The following PTGES3L variants were observed in gnomAD, a reference collection of about 807,000 sequenced individuals.
The protein encoded by PTGES3L is putative protein PTGES3L.
PTGES3L carries 17 observed loss-of-function variants against 25.0 expected under a neutral mutation model. The ratio of observed to expected loss-of-function variants is 0.68; its 90% CI spans 0.47 to 1.02. PTGES3L has a LOEUF of 1.02. Ranked by LOEUF, PTGES3L falls within the 50% of genes least tolerant of loss-of-function variation. The pLI is 0.00. For synonymous variants in PTGES3L, 59 were observed against 65.7 expected (o/e 0.90, Z 0.50); for missense variants, 202 against 197.5 (o/e 1.02, Z -0.14).
intron 4 of PTGES3L, among the ~76,000 whole-genome samples, chr17:42,976,139 C>A (rs1431607842): frequency 2.6e-5 from 4 of 151,964 alleles, no homozygotes; most frequent in Non-Finnish European, 5.9e-5. Flanking sequence ...CGCACCACCA[C>A]GCCCAGCTCA....
At chr17:42,973,479 C>T (rs1307802747) in intron 4 of PTGES3L, among the ~76,000 whole-genome samples, 6 of 151,906 alleles carry the variant, frequency 3.9e-5, no homozygotes, top group East Asian at 3.9e-4. Context: ...GGCCACCACC[C>T]CGTCTGGGAG....
At chr17:42,978,908 G>C (rs558621679) in intron 4 of PTGES3L, among the ~76,000 whole-genome samples, 3 of 152,270 alleles carry the variant, frequency 2.0e-5, no homozygotes, top group Admixed American at 6.5e-5. Flanking sequence ...GCTGAGGCAG[G>C]AGAATTGCTT....
At chr17:42,978,104 A>C in intron 4 of PTGES3L, among the ~76,000 whole-genome samples, 2 of 139,636 alleles carry the variant, frequency 1.4e-5, no homozygotes, top group Admixed American at 7.3e-5. Context: ...AAAAAAACAG[A>C]AAGAAAAAAG....
rs34584554 is a variant in PTGES3L at position 42,979,605 on chromosome 17, C to T, written c.67G>A (p.Val23Ile). The change falls in exon 2 of 7, where the codon GTT becomes ATT. Residue 23 changes from valine (V) to isoleucine (I), a missense_variant. By Grantham distance (29) the Val-to-Ile change is conservative. Coordinates refer to ENST00000591916, the MANE Select transcript of PTGES3L (RefSeq NM_001261430.2). ...ACGTGGACATCGGTGCTGTCCTCAA[C>T]ACAAAACTCCATGAACACATACCTG... is the stretch of plus-strand genomic sequence containing the variant. ...RPRYVFMEFC[V>I]EDSTDVHVLI... The T allele has an allele frequency of 5.1e-3, 8,295 of 1,614,122 alleles. 373 individuals carry two copies. In the African/African-American group the frequency reaches 0.096, roughly 19 times the overall value.
intron 4 of PTGES3L, among the ~76,000 whole-genome samples, chr17:42,972,903 A>G (rs1458912989): frequency 4.8e-4 from 68 of 142,090 alleles, no homozygotes; most frequent in Non-Finnish European, 8.6e-4. Context: ...CCGCCATCAC[A>G]TCTAGGAAGT....
At position 42,979,790 on chromosome 17, in the gene PTGES3L, G is replaced by A. The variant is rs551952364; in HGVS notation, c.9-127C>T. ...AAAGTGGAGCTAAATGAGACAGAAG[G>A]GGTGAAAGGGAAGGGAATGACAGGA... On this transcript the variant is annotated intron_variant, in intron 1 of 6. Transcript: ENST00000591916. 221 of 1,433,910 alleles carry A rather than the reference G, an allele frequency of 1.5e-4. 1 individual carries two copies. In the East Asian group the frequency reaches 5.3e-3, roughly 35 times the overall value. 88.8% of individuals were successfully genotyped at this position (1,433,910 alleles called of 1,614,324 possible).
chr17:42,974,015 AAAATAAAAAT>A (rs1217564697), intron 4 of PTGES3L, among the ~76,000 whole-genome samples: 59 of 151,408 alleles, frequency 3.9e-4, no homozygotes, highest in African/African-American at 1.4e-3. Context: ...AAAAAAAATA[AAAATAAAAAT>A]AAAAAAAAAT....
chr17:42,977,730 T>C (rs1038398787), intron 4 of PTGES3L, among the ~76,000 whole-genome samples: 8 of 150,558 alleles, frequency 5.3e-5, no homozygotes, highest in African/African-American at 2.0e-4. Flanking sequence ...AGAATAAGAC[T>C]CATCAATTAA....
chr17:42,973,514 C>T lies in PTGES3L; in HGVS notation c.289-1818G>A, dbSNP rs1027434819. Among the ~76,000 whole-genome samples, 5 of 151,988 alleles carry T rather than the reference C, an allele frequency of 3.3e-5. No homozygotes were observed. In the East Asian group the frequency reaches 5.8e-4, roughly 18 times the overall value. On this transcript the variant is annotated intron_variant, in intron 4 of 6. Coordinates refer to ENST00000591916, the MANE Select transcript of PTGES3L (RefSeq NM_001261430.2). ...GGTGTGCCCAACAGCTCACTGAGAA[C>T]GGGCCAGGATGACAATGGCGGCTTT...
chr17:42,973,243 G>A (rs2049887390), intron 4 of PTGES3L, among the ~76,000 whole-genome samples: 1 of 150,512 alleles, frequency 6.6e-6, no homozygotes, highest in African/African-American at 2.4e-5. Context: ...GAGGGAGGTG[G>A]GGGGGTCAGC....
intron 4 of PTGES3L, among the ~76,000 whole-genome samples, chr17:42,978,145 G>A (rs1327804526): frequency 2.7e-5 from 4 of 147,006 alleles, no homozygotes; most frequent in Admixed American, 6.9e-5. Flanking sequence ...ATTGGCTCAC[G>A]CCTGTAATCC....
Position 42,968,746 on chromosome 17 carries a change from T to C in PTGES3L, c.*402A>G, listed in dbSNP as rs2049776491. 1.2e-5 allele frequency: 2 copies of C among 165,264 alleles called. No homozygotes were observed. Among genetic ancestry groups the C allele is most frequent in the African/African-American group, 4.8e-5 (2 of 41,920 alleles). 10.2% of individuals were successfully genotyped at this position (165,264 alleles called of 1,614,324 possible). A position where few individuals can be genotyped will look rare whatever the true frequency, so the allele number is the denominator to read the frequency against. On this transcript the variant is annotated 3_prime_UTR_variant, in exon 7 of 7. Coordinates refer to ENST00000591916, the MANE Select transcript of PTGES3L (RefSeq NM_001261430.2). ...CAGAGAACAGTTCCTAGAGATTTAT[T>C]ATAATCTGTTTCTTCTTTGGCTTTT... is the stretch of plus-strand genomic sequence containing the variant.
intron 4 of PTGES3L, among the ~76,000 whole-genome samples, chr17:42,977,135 A>G (rs2049968499): frequency 6.6e-6 from 1 of 152,160 alleles, no homozygotes; most frequent in South Asian, 2.1e-4. Context: ...TACTAAAAAT[A>G]CAAAAAATTA....
In PTGES3L at chr17:42,979,244, G is replaced by A. The variant is rs374147800; in HGVS notation, c.214C>T (p.Arg72Cys). ...SKDSQDKRSS[R>C]SITCFVRKWK... ...TTTCTCACAAAACAAGTAATAGAGC[G>A]GGAAGAGCGCTTATCCTGGGAGTCC... Residue 72 changes from arginine to cysteine, a missense_variant, in exon 4 of 7, where the codon CGC becomes TGC. Coordinates refer to ENST00000591916, the MANE Select transcript of PTGES3L (RefSeq NM_001261430.2). The A allele has an allele frequency of 7.4e-6, 12 of 1,614,062 alleles. No homozygotes were observed. The Admixed American group carries it at 8.3e-5, about 11-fold the overall frequency.
chr17:42,971,291 C>CACAT (rs2049832482), intron 5 of PTGES3L, among the ~76,000 whole-genome samples: 1 of 151,750 alleles, frequency 6.6e-6, no homozygotes, highest in Non-Finnish European at 1.5e-5. Context: ...AAACCACACA[C>CACAT]ACACACACAC....
chr17:42,977,553 G>A (rs531501907), intron 4 of PTGES3L, among the ~76,000 whole-genome samples: 6 of 148,832 alleles, frequency 4.0e-5, no homozygotes, highest in South Asian at 4.3e-4. Context: ...GCAGTGAGCC[G>A]AGATGGCGCC....
chr17:42,971,716 G>A lies in PTGES3L; in HGVS notation c.289-20C>T. The A allele has an allele frequency of 1.9e-6, 3 of 1,613,656 alleles. No individual in the cohort carries two copies. The highest frequency in any genetic ancestry group is 2.5e-6 in the Non-Finnish European group (3 of 1,179,764). On this transcript the variant is annotated intron_variant, in intron 4 of 6. Coordinates refer to ENST00000591916, the MANE Select transcript of PTGES3L (RefSeq NM_001261430.2). Reference sequence around the variant, plus strand: ...CACTGGCTGCAAGAAGAGGCACCAAGAGTCACAGGCCAGGAGGGCAGGAGC... The same window carrying A: ...CACTGGCTGCAAGAAGAGGCACCAAAAGTCACAGGCCAGGAGGGCAGGAGC...
At chr17:42,969,903 G>A (rs1168581473) in intron 6 of PTGES3L, among the ~76,000 whole-genome samples, 1 of 151,450 alleles carries the variant, frequency 6.6e-6, no homozygotes, top group Non-Finnish European at 1.5e-5. Context: ...GAGGCGGGTG[G>A]ATCACCTCAG....
In PTGES3L at chr17:42,979,536, G is replaced by C; in HGVS notation, c.122+14C>G. ...TTCCTGGGAAGCCAGGCCCTCGGAC[G>C]GCAGGGCCACTACCTGAACACAATG... On this transcript the variant is annotated intron_variant, in intron 2 of 6. Transcript: ENST00000591916. The C allele has an allele frequency of 2.5e-6, 4 of 1,614,130 alleles. No homozygotes were observed. The highest frequency in any genetic ancestry group is 3.4e-6 in the Non-Finnish European group (4 of 1,179,974).
Sources: gnomAD v4.1 joint callset for allele counts (sites outside exome capture counted in the v4.1 genomes callset) on GRCh38, gnomAD v4.1.1 for gene constraint, MANE v1.5 for transcripts, NCBI Gene and HGNC (gene_info 2026-07-23, HGNC 2026-07-21) for gene names.